SHANK2: variants seen among roughly 807,000 people sequenced by gnomAD.
The protein encoded by SHANK2 is SH3 and multiple ankyrin repeat domains 2.
A neutral mutation model predicts 133.7 loss-of-function variants in SHANK2; 43 were observed. That is an observed-to-expected ratio of 0.32 (90% CI 0.25 to 0.41). The LOEUF (loss-of-function observed/expected upper bound fraction) is 0.41. Among genes scored for constraint, SHANK2 ranks in the 10% least tolerant of loss-of-function variants. SHANK2 has a pLI of 1.00. For synonymous variants in SHANK2, 1,017 were observed against 952.8 expected (o/e 1.07, Z -1.24); for missense variants, 1,994 against 2,235.8 (o/e 0.89, Z 2.18).
intron 17 of SHANK2, among the ~76,000 whole-genome samples, chr11:70,613,892 G>A (rs2060701342): frequency 6.6e-6 from 1 of 151,160 alleles, no homozygotes; most frequent in African/African-American, 2.4e-5. Context: ...AGCCTCCCAA[G>A]TAGCTGGGAT....
At position 70,878,683 on chromosome 11, in the gene SHANK2, T is replaced by C. The variant is rs1590789414; in HGVS notation, c.1174+17818A>G. On this transcript the variant is annotated intron_variant, in intron 11 of 25. Coordinates refer to ENST00000601538, the MANE Select transcript of SHANK2 (RefSeq NM_012309.5). ...TTCTTATTTTTCAGCCTCTACTTGA[T>C]AAATGAGTCCATGAGTTTGCCATGA... Among the ~76,000 whole-genome samples, 5 of 152,262 alleles carry C rather than the reference T, an allele frequency of 3.3e-5. No individual in the cohort carries two copies. In the East Asian group the frequency reaches 7.8e-4, roughly 24 times the overall value.
At chr11:70,640,692 A>C (rs1197254712) in intron 17 of SHANK2, among the ~76,000 whole-genome samples, 1 of 152,218 alleles carries the variant, frequency 6.6e-6, no homozygotes, top group Non-Finnish European at 1.5e-5. Context: ...GCGCATGCCC[A>C]GTCAGGATCC....
chr11:70,536,330 A>G (rs1355404904), intron 17 of SHANK2, among the ~76,000 whole-genome samples: 2 of 152,190 alleles, frequency 1.3e-5, no homozygotes, highest in Admixed American at 1.3e-4. Context: ...CCAAGCTGAG[A>G]TGAGGCTTGG....
intron 11 of SHANK2, among the ~76,000 whole-genome samples, chr11:70,871,274 T>C (rs1385333317): frequency 6.6e-6 from 1 of 152,186 alleles, no homozygotes; most frequent in Non-Finnish European, 1.5e-5. Context: ...GCTCGCCTGG[T>C]GGCAGGCTCT....
intron 6 of SHANK2, among the ~76,000 whole-genome samples, chr11:71,101,257 G>C (rs549790603): frequency 6.6e-6 from 1 of 151,992 alleles, no homozygotes; most frequent in African/African-American, 2.4e-5. Context: ...CCCTGCCTCC[G>C]TGTCACCCTT....
chr11:70,661,731 C>T (rs1322862696), intron 15 of SHANK2, 53 bp from the exon 16 acceptor site: 1 of 1,614,158 alleles, frequency 6.2e-7, no homozygotes, highest in Non-Finnish European at 8.5e-7. Context: ...GTCATCATCA[C>T]CGCGGCCGCT....
chr11:71,067,938 CCAT>C (rs1303826720), intron 9 of SHANK2, among the ~76,000 whole-genome samples: 42 of 151,974 alleles, frequency 2.8e-4, no homozygotes, highest in East Asian at 1.7e-3. Context: ...ACCACCATCA[CCAT>C]CATCATTATC....
intron 11 of SHANK2, among the ~76,000 whole-genome samples, chr11:70,885,869 G>A (rs1246851100): frequency 3.9e-5 from 6 of 152,182 alleles, no homozygotes; most frequent in East Asian, 3.9e-4. Flanking sequence ...ACACAAAGCC[G>A]GTCACCTTGG....
intron 17 of SHANK2, among the ~76,000 whole-genome samples, chr11:70,521,893 A>G (rs2059335560): frequency 6.6e-6 from 1 of 152,172 alleles, no homozygotes; most frequent in South Asian, 2.1e-4. Flanking sequence ...CGCGGCACAC[A>G]CTGCAGGCTC....
intron 10 of SHANK2, among the ~76,000 whole-genome samples, chr11:70,940,155 T>TTTCCTTCCTTCCTTCC (rs113406010): frequency 1.4e-4 from 17 of 119,866 alleles, no homozygotes; most frequent in East Asian, 8.1e-4. Context: ...AGAGAATCAA[T>TTTCCTTCCTTCCTTCC]TTCCTTCCTT....
intron 14 of SHANK2, among the ~76,000 whole-genome samples, chr11:70,746,916 T>A: frequency 6.6e-6 from 1 of 150,430 alleles, no homozygotes; most frequent in Non-Finnish European, 1.5e-5. Flanking sequence ...CTTGTCTGCT[T>A]CCCTCCACCG....
intron 2 of SHANK2, among the ~76,000 whole-genome samples, chr11:71,167,464 GC>G (rs1953182824): frequency 8.1e-6 from 1 of 123,178 alleles, no homozygotes; most frequent in African/African-American, 3.2e-5. Flanking sequence ...GGGCAGAGGG[GC>G]TCCTCACTTC....
At chr11:70,862,426 G>C (rs1949273722) in intron 11 of SHANK2, among the ~76,000 whole-genome samples, 1 of 152,114 alleles carries the variant, frequency 6.6e-6, no homozygotes, top group African/African-American at 2.4e-5. Context: ...CTTGAGTAGA[G>C]ACAATGGAAA....
intron 14 of SHANK2, among the ~76,000 whole-genome samples, chr11:70,758,837 T>C (rs1459915755): frequency 1.3e-5 from 2 of 152,200 alleles, no homozygotes; most frequent in African/African-American, 2.4e-5. Flanking sequence ...CCCGACTGAC[T>C]GGAACAAGGG....
intron 13 of SHANK2, among the ~76,000 whole-genome samples, chr11:70,803,272 T>C (rs1350607977): frequency 2.7e-5 from 1 of 36,696 alleles, no homozygotes; most frequent in Non-Finnish European, 5.7e-5. Flanking sequence ...CACCCACCTA[T>C]CAAACTCAAC....
At chr11:70,813,372 G>C (rs557019107) in intron 12 of SHANK2, among the ~76,000 whole-genome samples, 1 of 152,148 alleles carries the variant, frequency 6.6e-6, no homozygotes, top group African/African-American at 2.4e-5. Context: ...GCCAGTGAAC[G>C]AGCACCAGCT....
intron 14 of SHANK2, among the ~76,000 whole-genome samples, chr11:70,770,887 CCTT>C (rs1241649414): frequency 2.0e-5 from 3 of 148,586 alleles, no homozygotes; most frequent in African/African-American, 7.4e-5. Context: ...AGAGATCCCT[CCTT>C]CTCTCCTTCC....
At chr11:70,603,932 C>T (rs1410359667) in intron 17 of SHANK2, 1 of 152,580 alleles carries the variant, frequency 6.6e-6, no homozygotes, top group East Asian at 1.9e-4. Context: ...CAGAACGACC[C>T]GATAAAATTA....
chr11:70,643,083 C>G (rs1212012778), intron 17 of SHANK2, among the ~76,000 whole-genome samples: 1 of 152,152 alleles, frequency 6.6e-6, no homozygotes, highest in East Asian at 1.9e-4. Flanking sequence ...TATCAGTTAA[C>G]AAATAGCTGA....
Sources: allele counts gnomAD v4.1 joint callset (sites outside exome capture counted in the v4.1 genomes callset), GRCh38; gene constraint gnomAD v4.1.1; transcripts MANE v1.5; gene names NCBI Gene and HGNC (gene_info 2026-07-23, HGNC 2026-07-21).